The following WWOX variants were observed in gnomAD, a reference collection of about 807,000 sequenced individuals.
WWOX encodes WW domain containing oxidoreductase, also known as WW domain-containing oxidoreductase.
WWOX carries 69 observed loss-of-function variants against 46.2 expected under a neutral mutation model. That is an observed-to-expected ratio of 1.49 (90% CI 1.23 to 1.82). The LOEUF (loss-of-function observed/expected upper bound fraction) is 1.82. Among genes scored for constraint, WWOX ranks in the 40% most tolerant of loss-of-function variants. The pLI is 0.00. For synonymous variants in WWOX, 359 were observed against 202.6 expected (o/e 1.77, Z -6.56); for missense variants, 919 against 542.6 (o/e 1.69, Z -6.89).
intron 8 of WWOX, among the ~76,000 whole-genome samples, chr16:78,956,013 T>G (rs1345027589): frequency 6.7e-6 from 1 of 148,826 alleles, no homozygotes; most frequent in Non-Finnish European, 1.5e-5. Flanking sequence ...CAAAAAAAAC[T>G]TTTTTTTTTA....
Position 78,347,923 on chromosome 16 carries a change from G to A in WWOX, c.517-38937G>A, listed in dbSNP as rs1207276399. 1.6e-5 allele frequency among the ~76,000 whole-genome samples: 2 copies of A among 121,934 alleles called. 1 individual carries two copies. The highest frequency in any genetic ancestry group is 3.9e-5 in the Non-Finnish European group (2 of 50,916). The allele number at this position is 121,934 out of a possible 152,430, so 80.0% of individuals were successfully genotyped here. A position where few individuals can be genotyped will look rare whatever the true frequency, so the allele number is the denominator to read the frequency against. ...TCCTCATAAAACAATATGGACTATG[G>A]TCTTATTCTGTTTAACGGTATGAAG... On this transcript the variant is annotated intron_variant, in intron 5 of 8. Transcript: ENST00000566780.
At position 78,406,310 on chromosome 16, in the gene WWOX, ATATATATATAT is replaced by A. The variant is rs2082535618; in HGVS notation, c.606-18559_606-18549del. On this transcript the variant is annotated intron_variant, in intron 6 of 8. Transcript: ENST00000566780. ...TTACAGCATATAAATATAAATATATATATATATATATATATATATATATATATATATATATA... is the reference window on the plus strand; with the variant it reads ...TTACAGCATATAAATATAAATATATAATATATATATATATATATATATATA... 2.0e-3 allele frequency among the ~76,000 whole-genome samples: 67 copies of A among 33,452 alleles called. 3 individuals carry two copies. Among genetic ancestry groups the A allele is most frequent in the African/African-American group, 0.012 (40 of 3,444 alleles). 21.9% of individuals were successfully genotyped at this position (33,452 alleles called of 152,430 possible).
At chr16:78,518,123 GA>G (rs1438286931) in intron 8 of WWOX, among the ~76,000 whole-genome samples, 1 of 152,146 alleles carries the variant, frequency 6.6e-6, no homozygotes, top group Non-Finnish European at 1.5e-5. Flanking sequence ...ATTTTCATAA[GA>G]GTCACATGAA....
chr16:78,438,946 G>C (rs1245096472), intron 8 of WWOX, among the ~76,000 whole-genome samples: 1 of 152,170 alleles, frequency 6.6e-6, no homozygotes, highest in Admixed American at 6.5e-5. Flanking sequence ...ACCCGCTGCA[G>C]GGTGATTTAT....
chr16:78,973,341 G>A (rs191908400), intron 8 of WWOX, among the ~76,000 whole-genome samples: 219 of 152,228 alleles, frequency 1.4e-3, no homozygotes, highest in African/African-American at 4.7e-3. Flanking sequence ...GGTAGACTGG[G>A]GAAGGTGATA....
chr16:78,268,652 T>C (rs1597425930), intron 5 of WWOX, among the ~76,000 whole-genome samples: 1 of 152,098 alleles, frequency 6.6e-6, no homozygotes, highest in African/African-American at 2.4e-5. Flanking sequence ...CGTGGAAGAG[T>C]GGATGGACAG....
chr16:79,007,779 T>C (rs1309354592), intron 8 of WWOX, among the ~76,000 whole-genome samples: 1 of 152,214 alleles, frequency 6.6e-6, no homozygotes, highest in Admixed American at 6.5e-5. Context: ...ATACCAAAGC[T>C]ATTTAATATT....
At chr16:78,739,613 C>T (rs887734811) in intron 8 of WWOX, among the ~76,000 whole-genome samples, 2 of 152,112 alleles carry the variant, frequency 1.3e-5, no homozygotes, top group Admixed American at 1.3e-4. Context: ...GAGTTCAAGA[C>T]CAGCCTGGCT....
At chr16:78,794,041 G>T (rs542435820) in intron 8 of WWOX, among the ~76,000 whole-genome samples, 8 of 152,312 alleles carry the variant, frequency 5.3e-5, no homozygotes, top group Non-Finnish European at 1.2e-4. Context: ...AAATCCTGCT[G>T]TGGTCAGAAT....
At chr16:79,172,955 A>C (rs1390488172) in intron 8 of WWOX, among the ~76,000 whole-genome samples, 1 of 152,138 alleles carries the variant, frequency 6.6e-6, no homozygotes, top group African/African-American at 2.4e-5. Flanking sequence ...TGGGACGTCA[A>C]GGCTGCAGTG....
At chr16:78,800,825 C>T (rs575203514) in intron 8 of WWOX, among the ~76,000 whole-genome samples, 37 of 150,736 alleles carry the variant, frequency 2.5e-4, no homozygotes, top group African/African-American at 8.7e-4. Context: ...ATAGCATCTC[C>T]TCCCCAGCAC....
intron 4 of WWOX, among the ~76,000 whole-genome samples, chr16:78,163,583 C>G (rs113485663): frequency 6.6e-6 from 1 of 152,152 alleles, no homozygotes; most frequent in East Asian, 1.9e-4. Context: ...CAGATCTTGG[C>G]CCCCAAAATT....
chr16:78,437,957 A>G (rs2083368899), intron 8 of WWOX, among the ~76,000 whole-genome samples: 3 of 152,180 alleles, frequency 2.0e-5, no homozygotes, highest in South Asian at 2.1e-4. Context: ...GTATTTTAGT[A>G]TCTATATTTA....
intron 8 of WWOX, among the ~76,000 whole-genome samples, chr16:78,813,354 C>G (rs138458109): frequency 1.1e-3 from 162 of 151,966 alleles, no homozygotes; most frequent in African/African-American, 3.5e-3. Context: ...GTCCAAGAAG[C>G]CTGCTTTTCT....
intron 8 of WWOX, among the ~76,000 whole-genome samples, chr16:78,459,448 A>G (rs1278304181): frequency 6.6e-6 from 1 of 152,196 alleles, no homozygotes; most frequent in African/African-American, 2.4e-5. Context: ...CTCCTCTTGT[A>G]TCCGTTTTCT....
intron 8 of WWOX, among the ~76,000 whole-genome samples, chr16:78,865,070 T>C (rs1468503998): frequency 2.0e-5 from 3 of 152,090 alleles, no homozygotes; most frequent in South Asian, 4.2e-4. Context: ...GCTTTCAAAT[T>C]CCATTTTTTA....
intron 8 of WWOX, among the ~76,000 whole-genome samples, chr16:78,802,006 G>A (rs1458776544): frequency 6.6e-6 from 1 of 152,076 alleles, no homozygotes; most frequent in East Asian, 1.9e-4. Flanking sequence ...TGTGGAAAGG[G>A]CCTATCCCAG....
Position 78,621,569 on chromosome 16 carries a change from C to T in WWOX, c.1056+188817C>T, listed in dbSNP as rs149241236. On this transcript the variant is annotated intron_variant, in intron 8 of 8. Coordinates refer to ENST00000566780, the MANE Select transcript of WWOX (RefSeq NM_016373.4). ...AGTATATTCAATGATTCACTTGCAC[C>T]TTTAACCTTGTGTTGTTCTAATCTT... Among the ~76,000 whole-genome samples, 549 of 123,400 alleles carry T rather than the reference C, an allele frequency of 4.4e-3. 3 individuals are homozygous for T. Among genetic ancestry groups the T allele is most frequent in the African/African-American group, 0.016 (531 of 32,328 alleles). The allele number at this position is 123,400 out of a possible 152,430, so 81.0% of individuals were successfully genotyped here. A position where few individuals can be genotyped will look rare whatever the true frequency, so the allele number is the denominator to read the frequency against.
chr16:78,444,072 T>C (rs1293514484), intron 8 of WWOX, among the ~76,000 whole-genome samples: 5 of 152,218 alleles, frequency 3.3e-5, no homozygotes, highest in Non-Finnish European at 5.9e-5. Context: ...CAAAGAGGGC[T>C]GAAACCTGGT....
Sources: gnomAD v4.1 joint callset for allele counts (sites outside exome capture counted in the v4.1 genomes callset) on GRCh38, gnomAD v4.1.1 for gene constraint, MANE v1.5 for transcripts, NCBI Gene and HGNC (gene_info 2026-07-23, HGNC 2026-07-21) for gene names.